The following MYO5B variants were observed in gnomAD, a reference collection of about 807,000 sequenced individuals.
MYO5B encodes the protein myosin VB.
A neutral mutation model predicts 229.3 loss-of-function variants in MYO5B; 143 were observed. That is an observed-to-expected ratio of 0.62 (90% CI 0.54 to 0.72). MYO5B has a LOEUF of 0.72. MYO5B is among the 30% of genes least tolerant of loss of function. The pLI is 0.00. For synonymous variants in MYO5B, 918 were observed against 885.2 expected, an observed-to-expected ratio of 1.04 and a Z score of -0.66; for missense variants, 2,321 against 2,331.0, an observed-to-expected ratio of 1.00 and a Z score of 0.09.
In MYO5B at chr18:49,933,583, C is replaced by A. The variant is rs201137378; in HGVS notation, c.2003+2669G>T. Among the ~76,000 whole-genome samples, 16 of 152,304 alleles carry A rather than the reference C, an allele frequency of 1.1e-4. 1 individual carries two copies. The South Asian group carries it at 1.5e-3, about 14-fold the overall frequency. On this transcript the variant is annotated intron_variant, in intron 16 of 39. Transcript: ENST00000285039. The stretch of plus-strand genomic sequence containing the variant: ...ATTTTGTCCCCAAGAGAACATTTGG[C>A]AATGTCTAAAAACATTTTTAGCTGT...
chr18:50,194,695 C>G (rs1459367949), intron 1 of MYO5B, 72 bp downstream of exon 1: 2 of 1,129,020 alleles, frequency 1.8e-6, no homozygotes, highest in South Asian at 1.4e-5. Flanking sequence ...AGGGAGAAGG[C>G]GACCCTGAGT....
intron 1 of MYO5B, among the ~76,000 whole-genome samples, chr18:50,114,901 C>T (rs961625880): frequency 1.3e-5 from 2 of 152,220 alleles, no homozygotes; most frequent in Non-Finnish European, 2.9e-5. Flanking sequence ...CTCCTCCAGA[C>T]CAAAGTTGGG....
intron 1 of MYO5B, among the ~76,000 whole-genome samples, chr18:50,147,403 C>A (rs2032522084): frequency 6.6e-6 from 1 of 152,204 alleles, no homozygotes; most frequent in Non-Finnish European, 1.5e-5. Context: ...CAGTGACCTC[C>A]TGATTAGCAC....
intron 13 of MYO5B, among the ~76,000 whole-genome samples, chr18:49,953,703 T>C (rs1415642974): frequency 6.6e-6 from 1 of 152,146 alleles, no homozygotes; most frequent in Non-Finnish European, 1.5e-5. Context: ...AGCTAGTGCA[T>C]AGCAAACAGA....
intron 4 of MYO5B, among the ~76,000 whole-genome samples, chr18:50,007,461 C>T (rs2026114300): frequency 6.6e-6 from 1 of 152,204 alleles, no homozygotes; most frequent in South Asian, 2.1e-4. Context: ...TCTCATGAAA[C>T]TTTCTGAAAA....
At chr18:50,130,013 G>A (rs1334536948) in intron 1 of MYO5B, among the ~76,000 whole-genome samples, 1 of 152,126 alleles carries the variant, frequency 6.6e-6, no homozygotes, top group East Asian at 1.9e-4. Flanking sequence ...GTGCAGCTCA[G>A]AGCTCTCTAC....
chr18:50,028,255 A>G (rs1295864558), intron 4 of MYO5B, among the ~76,000 whole-genome samples: 1 of 152,222 alleles, frequency 6.6e-6, no homozygotes, highest in Non-Finnish European at 1.5e-5. Context: ...GGGCAGGGAA[A>G]GGATGGAAAT....
At chr18:49,978,970 C>T (rs572869182) in intron 9 of MYO5B, among the ~76,000 whole-genome samples, 2 of 152,274 alleles carry the variant, frequency 1.3e-5, no homozygotes, top group African/African-American at 4.8e-5. Context: ...TGAGGAACCA[C>T]AGGACATTGA....
At chr18:50,056,498 A>G (rs1488367155) in intron 1 of MYO5B, among the ~76,000 whole-genome samples, 2 of 152,182 alleles carry the variant, frequency 1.3e-5, no homozygotes, top group Non-Finnish European at 2.9e-5. Flanking sequence ...TTTTCTGTAG[A>G]AGCCGTCAGT....
chr18:50,034,470 G>T (rs12965511), intron 4 of MYO5B, among the ~76,000 whole-genome samples: 1 of 152,198 alleles, frequency 6.6e-6, no homozygotes, highest in African/African-American at 2.4e-5. Context: ...TCAGTCGTGC[G>T]TGGTGGCTCA....
chr18:50,040,880 G>A (rs975209858), intron 2 of MYO5B, among the ~76,000 whole-genome samples: 3 of 152,140 alleles, frequency 2.0e-5, no homozygotes, highest in African/African-American at 7.2e-5. Context: ...CCAGGGAGTA[G>A]GATTACACAT....
chr18:49,867,003 C>T (rs1325425389), intron 27 of MYO5B, among the ~76,000 whole-genome samples: 1 of 152,154 alleles, frequency 6.6e-6, no homozygotes, highest in African/African-American at 2.4e-5. Flanking sequence ...GCAGGACTTG[C>T]CGGGGAAATG....
chr18:50,138,957 C>T (rs1025966343), intron 1 of MYO5B, among the ~76,000 whole-genome samples: 2 of 152,250 alleles, frequency 1.3e-5, no homozygotes, highest in African/African-American at 4.8e-5. Flanking sequence ...TCACCCTCAA[C>T]ATCTGCCTCT....
chr18:49,856,721 C>T lies in MYO5B; in HGVS notation c.4022+92G>A, dbSNP rs1304192567. 1.3e-5 allele frequency: 14 copies of T among 1,087,302 alleles called. No individual in the cohort carries two copies. In the East Asian group the frequency reaches 1.7e-4, roughly 13 times the overall value. The allele number at this position is 1,087,302 out of a possible 1,614,324, so 67.4% of individuals were successfully genotyped here. ...CTGCATGCCAACTGTTCCCCGTGCT[C>T]TCGCACCCACTGTAGCTGAAAAACG... On this transcript the variant is annotated intron_variant, in intron 30 of 39. Transcript: ENST00000285039.
chr18:49,897,881 C>T (rs560509371), intron 21 of MYO5B, among the ~76,000 whole-genome samples: 91 of 152,168 alleles, frequency 6.0e-4, no homozygotes, highest in Non-Finnish European at 1.2e-3. Flanking sequence ...TGGACCTTCA[C>T]ATTCACTCAC....
chr18:49,961,998 C>A (rs1324029104), intron 12 of MYO5B, among the ~76,000 whole-genome samples: 1 of 152,212 alleles, frequency 6.6e-6, no homozygotes, highest in Non-Finnish European at 1.5e-5. Context: ...CAAGTCCAAA[C>A]CACCATATTA....
chr18:50,010,099 A>T (rs1162216222), intron 4 of MYO5B, among the ~76,000 whole-genome samples: 1 of 152,238 alleles, frequency 6.6e-6, no homozygotes, highest in Non-Finnish European at 1.5e-5. Context: ...TGTAATTGGC[A>T]TTTGGCAGGT....
chr18:50,123,064 C>T (rs1410471868), intron 1 of MYO5B, among the ~76,000 whole-genome samples: 1 of 152,160 alleles, frequency 6.6e-6, no homozygotes, highest in Non-Finnish European at 1.5e-5. Flanking sequence ...GGAAACAACC[C>T]AAGTGTCTAT....
chr18:49,853,322 A>C (rs767333273), intron 31 of MYO5B, 127 bp downstream of exon 31: 40 of 928,354 alleles, frequency 4.3e-5, no homozygotes, highest in Non-Finnish European at 6.5e-5. Flanking sequence ...AGACTTCTAG[A>C]ATCTCTGTTC....
Sources: allele counts gnomAD v4.1 joint callset (sites outside exome capture counted in the v4.1 genomes callset), GRCh38; gene constraint gnomAD v4.1.1; transcripts MANE v1.5; gene names NCBI Gene and HGNC (gene_info 2026-07-23, HGNC 2026-07-21).